Variants in CAPN13 observed in about 807,000 individuals in gnomAD.
The protein encoded by CAPN13 is calpain 13, also known as calpain-13.
Under a neutral mutation model 98.4 loss-of-function variants are expected in CAPN13, and 90 were observed. The ratio of observed to expected loss-of-function variants is 0.92; its 90% CI spans 0.77 to 1.09. The LOEUF is 1.09. Among genes scored for constraint, CAPN13 ranks in the 50% least tolerant of loss-of-function variants. CAPN13 has a pLI of 0.00. For missense variants in CAPN13, 887 were observed against 841.3 expected, an observed-to-expected ratio of 1.05 and a Z score of -0.67; for synonymous variants, 330 against 305.5, an observed-to-expected ratio of 1.08 and a Z score of -0.84.
chr2:30,737,366 A>C (rs940272286), intron 17 of CAPN13: 4 of 152,480 alleles, frequency 2.6e-5, no homozygotes, highest in African/African-American at 9.7e-5. Flanking sequence ...GTCTCAGGAG[A>C]CAGCACACTG....
chr2:30,798,271 T>A (rs1460085836), intron 1 of CAPN13, among the ~76,000 whole-genome samples: 2 of 152,336 alleles, frequency 1.3e-5, no homozygotes, highest in South Asian at 2.1e-4. Flanking sequence ...GAACTTCCAA[T>A]GACATGAATT....
At chr2:30,771,634 A>C (rs1157775209) in intron 4 of CAPN13, among the ~76,000 whole-genome samples, 3 of 152,216 alleles carry the variant, frequency 2.0e-5, no homozygotes, top group African/African-American at 7.2e-5. Flanking sequence ...CGAAGCACCG[A>C]GGGAAGCTAA....
intron 7 of CAPN13, among the ~76,000 whole-genome samples, 195 bp downstream of exon 7, chr2:30,762,887 C>T (rs531727234): frequency 1.1e-3 from 172 of 152,298 alleles, no homozygotes; most frequent in African/African-American, 4.0e-3. Context: ...GAAAGGAGGA[C>T]ACTGGGAGTC....
intron 22 of CAPN13, among the ~76,000 whole-genome samples, chr2:30,726,194 T>G (rs985882613): frequency 6.6e-6 from 1 of 152,182 alleles, no homozygotes; most frequent in Non-Finnish European, 1.5e-5. Context: ...AAGCAAGTAA[T>G]GAAAAGTGTG....
chr2:30,800,116 AAAAGAAAGAAAGAAAGAAAGAAAG>A (rs60233900), intron 1 of CAPN13, among the ~76,000 whole-genome samples: 117 of 85,658 alleles, frequency 1.4e-3, no homozygotes, highest in African/African-American at 2.4e-3. Flanking sequence ...GAAAAGAAAG[AAAAGAAAGAAAGAAAGAAAGAAAG>A]AAAGAAAGAA....
Position 30,770,295 on chromosome 2 carries a change from T to G in CAPN13, c.524+18A>C. ...AGCACTGAAACTCTGGGCTGATGGG[T>G]GGCGGGGTTGTACTTACTTGGCATA... On this transcript the variant is annotated intron_variant, in intron 5 of 22. Transcript: ENST00000295055. The G allele has an allele frequency of 6.2e-7, 1 of 1,611,888 alleles. No homozygotes were observed. The highest frequency in any genetic ancestry group is 8.5e-7 in the Non-Finnish European group (1 of 1,178,614).
At chr2:30,800,116 AAAAGAAAGAAAG>A (rs60233900) in intron 1 of CAPN13, among the ~76,000 whole-genome samples, 2,857 of 85,628 alleles carry the variant, frequency 0.033, 58 homozygotes, top group African/African-American at 0.059. Context: ...GAAAAGAAAG[AAAAGAAAGAAAG>A]AAAGAAAGAA....
intron 1 of CAPN13, among the ~76,000 whole-genome samples, chr2:30,793,435 T>A (rs1674703527): frequency 6.6e-6 from 1 of 151,596 alleles, no homozygotes; most frequent in African/African-American, 2.4e-5. Context: ...TGAGAAAAAT[T>A]AAAGGAAAAC....
rs1366240277 is a variant in CAPN13 at position 30,777,491 on chromosome 2, G to A, written c.271+76C>T. The A allele has an allele frequency of 3.8e-6, 5 of 1,309,438 alleles. No individual in the cohort carries two copies. The East Asian group carries it at 1.3e-4, about 33-fold the overall frequency. The allele number at this position is 1,309,438 out of a possible 1,614,324, so 81.1% of individuals were successfully genotyped here. A position where few individuals can be genotyped will look rare whatever the true frequency, so the allele number is the denominator to read the frequency against. On this transcript the variant is annotated intron_variant, in intron 3 of 22. Transcript: ENST00000295055. ...ACTGGCCTTTCTCCCTCAGAAGTGGGGCAGGACTCTGTGGGTAAGCACCAC... is the reference window on the plus strand; with the variant it reads ...ACTGGCCTTTCTCCCTCAGAAGTGGAGCAGGACTCTGTGGGTAAGCACCAC...
At chr2:30,789,427 A>G (rs1224528946) in intron 1 of CAPN13, among the ~76,000 whole-genome samples, 1 of 152,236 alleles carries the variant, frequency 6.6e-6, no homozygotes, top group African/African-American at 2.4e-5. Flanking sequence ...TAATAATACA[A>G]TTATGGGATT....
chr2:30,742,075 G>T, intron 14 of CAPN13, 111 bp from the exon 15 acceptor site: 1 of 1,086,646 alleles, frequency 9.2e-7, no homozygotes, highest in Non-Finnish European at 1.4e-6. Context: ...AGTCTTTATT[G>T]GGCAGTTGGA....
intron 22 of CAPN13, 59 bp from the exon 23 acceptor site, chr2:30,723,295 T>G (rs921429598): frequency 6.6e-6 from 1 of 152,178 alleles, no homozygotes; most frequent in East Asian, 1.9e-4. Context: ...AGAAACTCCT[T>G]CCTTTGAGTG....
intron 13 of CAPN13, 47 bp downstream of exon 13, chr2:30,743,336 T>C (rs751428725): frequency 1.1e-5 from 16 of 1,522,618 alleles, no homozygotes; most frequent in African/African-American, 1.4e-5. Context: ...TGTGTTTTTA[T>C]AAAGTTAAGT....
chr2:30,777,638 T>C lies in CAPN13; in HGVS notation c.200A>G (p.Asp67Gly), dbSNP rs904625989. 1.3e-6 allele frequency: 2 copies of C among 1,570,036 alleles called. No individual in the cohort carries two copies. Among genetic ancestry groups the C allele is most frequent in the African/African-American group, 1.3e-5 (1 of 74,154 alleles). The change falls in exon 3 of 23, where the codon GAT becomes GGT. Residue 67 changes from aspartate to glycine, a missense_variant and splice_region_variant. Asp to Gly is a moderately conservative substitution (Grantham distance 94, BLOSUM62 -1). Coordinates refer to ENST00000295055, the MANE Select transcript of CAPN13 (RefSeq NM_144575.3). ...LSNVIWKRPQ[D>G]LPGGPPHFIL... ...GAAGTGAGGAGGACCCCCTGGTAGA[T>C]CCTTTAGGAAAGAGGGAGAAAAGCT...
chr2:30,799,516 C>T (rs890949824), intron 1 of CAPN13, among the ~76,000 whole-genome samples: 1 of 152,106 alleles, frequency 6.6e-6, no homozygotes, highest in Admixed American at 6.5e-5. Flanking sequence ...AAGTGGGGCT[C>T]AAGGTGAAAC....
intron 7 of CAPN13, among the ~76,000 whole-genome samples, chr2:30,759,997 G>A (rs1233309477): frequency 1.3e-5 from 2 of 152,202 alleles, no homozygotes; most frequent in East Asian, 3.9e-4. Context: ...GCTCTGACTT[G>A]CAATGCCTCC....
intron 5 of CAPN13, among the ~76,000 whole-genome samples, chr2:30,768,727 T>C (rs949490086): frequency 2.0e-5 from 3 of 151,548 alleles, no homozygotes; most frequent in Admixed American, 2.0e-4. Context: ...ATTCTTTTTC[T>C]CCTCCACCCC....
At chr2:30,794,416 T>C (rs1453812784) in intron 1 of CAPN13, among the ~76,000 whole-genome samples, 1 of 151,896 alleles carries the variant, frequency 6.6e-6, no homozygotes, top group Non-Finnish European at 1.5e-5. Context: ...TATGGGGAGA[T>C]AGAAAACTGG....
intron 18 of CAPN13, 92 bp from the exon 19 acceptor site, chr2:30,734,616 C>T: frequency 1.5e-5 from 14 of 957,444 alleles, no homozygotes; most frequent in Admixed American, 9.8e-5. Context: ...CCCTAAACCT[C>T]AGAGGAAGGC....
Sources: gnomAD v4.1 joint callset for allele counts (sites outside exome capture counted in the v4.1 genomes callset) on GRCh38, gnomAD v4.1.1 for gene constraint, MANE v1.5 for transcripts, NCBI Gene and HGNC (gene_info 2026-07-23, HGNC 2026-07-21) for gene names.